Variants in NCR1 observed in about 807,000 individuals in gnomAD.
The protein encoded by NCR1 is NK cell-activating receptor.
In NCR1, 30 loss-of-function variants were observed where a neutral mutation model predicts 32.5. The observed-to-expected ratio is 0.92, with a 90% CI of 0.69 to 1.25. NCR1 has a LOEUF of 1.25. Ranked by LOEUF, NCR1 falls within the 50% of genes most tolerant of loss-of-function variation. NCR1 has a pLI of 0.00. For missense variants in NCR1, 369 were observed against 380.7 expected (o/e 0.97, Z 0.26); for synonymous variants, 169 against 143.4 (o/e 1.18, Z -1.28).
chr19:54,903,379 T>C (rs745651090), upstream of NCR1, among the ~76,000 whole-genome samples: 51 of 127,184 alleles, frequency 4.0e-4, 1 homozygote, highest in Non-Finnish European at 7.7e-4. Flanking sequence ...TATATACATG[T>C]ATGTATATAC....
intron 5 of NCR1, among the ~76,000 whole-genome samples, chr19:54,911,029 TG>T (rs1429581992): frequency 6.6e-6 from 1 of 152,006 alleles, no homozygotes; most frequent in Non-Finnish European, 1.5e-5. Flanking sequence ...GACGGTGGGA[TG>T]GGCCTGGGGC....
At chr19:54,937,810 T>C in the NCR1 span, among the ~76,000 whole-genome samples, 1 of 149,268 alleles carries the variant, frequency 6.7e-6, no homozygotes, top group Non-Finnish European at 1.5e-5. Flanking sequence ...GGCAGGAGAA[T>C]TGCTTGAACC....
chr19:54,923,704 G>A, the NCR1 span: 34 of 1,610,906 alleles, frequency 2.1e-5, no homozygotes, highest in Admixed American at 2.2e-4. Context: ...CCCGAATCCC[G>A]CTTCCTGTGT....
the NCR1 span, among the ~76,000 whole-genome samples, chr19:54,937,474 C>T: frequency 8.6e-5 from 13 of 151,870 alleles, no homozygotes; most frequent in African/African-American, 1.5e-4. Flanking sequence ...GGCGCATCAC[C>T]TTAGGTCAGG....
At chr19:54,903,472 G>T (rs141110007), upstream of NCR1, among the ~76,000 whole-genome samples, 2 of 124,502 alleles carry the variant, frequency 1.6e-5, no homozygotes, top group Middle Eastern at 4.3e-3. Flanking sequence ...ATGTATACAC[G>T]GATACATGTA....
At chr19:54,931,856 A>C in the NCR1 span, among the ~76,000 whole-genome samples, 6 of 137,188 alleles carry the variant, frequency 4.4e-5, no homozygotes, top group East Asian at 4.5e-4. Context: ...AAAAAAAAAA[A>C]AAAACATCCA....
At chr19:54,934,359 G>T in the NCR1 span, 1 of 916,586 alleles carries the variant, frequency 1.1e-6, no homozygotes, top group Non-Finnish European at 1.8e-6. The surrounding 1 kb of genome is among the most constrained non-coding windows in gnomAD (Gnocchi z 6.7). Context: ...GAGCCACCGT[G>T]CCGGGCCTGA....
At chr19:54,922,300 G>A in the NCR1 span, among the ~76,000 whole-genome samples, 2 of 152,194 alleles carry the variant, frequency 1.3e-5, no homozygotes, top group Non-Finnish European at 2.9e-5. Context: ...ACATCATGGT[G>A]ACAACTTTTC....
the NCR1 span, chr19:54,933,593 G>C: frequency 1.9e-6 from 3 of 1,614,146 alleles, no homozygotes; most frequent in Non-Finnish European, 2.5e-6. Flanking sequence ...TTTACAATCA[G>C]GGTAACTCAA....
At chr19:54,929,267 A>G in the NCR1 span, among the ~76,000 whole-genome samples, 2 of 152,050 alleles carry the variant, frequency 1.3e-5, no homozygotes, top group Non-Finnish European at 2.9e-5. Flanking sequence ...TACTCAGCTC[A>G]ATCAGGAGAA....
At chr19:54,898,742 C>T in the NCR1 span, among the ~76,000 whole-genome samples, 1 of 152,090 alleles carries the variant, frequency 6.6e-6, no homozygotes, top group African/African-American at 2.4e-5. Flanking sequence ...GAAAAAGAGC[C>T]TAAACACTAT....
chr19:54,926,600 T>C, the NCR1 span, among the ~76,000 whole-genome samples: 1 of 151,682 alleles, frequency 6.6e-6, no homozygotes, highest in Middle Eastern at 3.4e-3. Flanking sequence ...ACCAACATGG[T>C]GAAACCCCAT....
the NCR1 span, among the ~76,000 whole-genome samples, chr19:54,932,859 G>T: frequency 6.6e-6 from 1 of 152,006 alleles, no homozygotes; most frequent in Admixed American, 6.6e-5. Context: ...TTTTCACCAT[G>T]TTGGCCAGGC....
the NCR1 span, among the ~76,000 whole-genome samples, chr19:54,927,239 G>C: frequency 3.9e-3 from 595 of 151,910 alleles, 2 homozygotes; most frequent in African/African-American, 0.014. Flanking sequence ...AAATTAGCCA[G>C]GCATGGTGGC....
the NCR1 span, chr19:54,938,029 T>C: frequency 6.2e-7 from 1 of 1,603,856 alleles, no homozygotes; most frequent in Non-Finnish European, 8.5e-7. Context: ...CCTTGCAAGA[T>C]GAGCTTCTAC....
chr19:54,935,144 A>T, the NCR1 span, among the ~76,000 whole-genome samples: 4 of 152,102 alleles, frequency 2.6e-5, no homozygotes, highest in Non-Finnish European at 5.9e-5. Flanking sequence ...TTAGGGTAAC[A>T]TCCAGCCACT....
chr19:54,933,452 G>T, the NCR1 span: 2 of 1,352,694 alleles, frequency 1.5e-6, no homozygotes, highest in Non-Finnish European at 2.1e-6. Flanking sequence ...GCCTCTGCCT[G>T]TTCTTTAATT....
chr19:54,930,115 CAAAAAAAAAAAAAA>C, the NCR1 span, among the ~76,000 whole-genome samples: 1 of 100,564 alleles, frequency 9.9e-6, no homozygotes, highest in Non-Finnish European at 2.0e-5. Flanking sequence ...GGCTCCGTCT[CAAAAAAAAAAAAAA>C]AAAAAGAAAA....
chr19:54,932,005 CCT>C, the NCR1 span, among the ~76,000 whole-genome samples: 1 of 152,070 alleles, frequency 6.6e-6, no homozygotes, highest in African/African-American at 2.4e-5. Flanking sequence ...TTTCACTTTC[CCT>C]GTCATTTTAT....
Sources: gnomAD v4.1 joint callset for allele counts (sites outside exome capture counted in the v4.1 genomes callset) on GRCh38, gnomAD v4.1.1 for gene constraint, Gnocchi (gnomAD v3.1) non-coding constraint, MANE v1.5 for transcripts, NCBI Gene and HGNC (gene_info 2026-07-23, HGNC 2026-07-21) for gene names.